DENND1A: variants seen among roughly 807,000 people sequenced by gnomAD.
DENND1A encodes DENN domain containing 1A.
In DENND1A, 51 loss-of-function variants were observed where a neutral mutation model predicts 113.7. The observed-to-expected ratio is 0.45, with a 90% CI of 0.36 to 0.57. The LOEUF (loss-of-function observed/expected upper bound fraction) is 0.57, where lower values mean the gene tolerates loss of function less well. Among genes scored for constraint, DENND1A ranks in the 20% least tolerant of loss-of-function variants. DENND1A has a pLI of 0.00. For missense variants in DENND1A, 1,258 were observed against 1,395.9 expected, an observed-to-expected ratio of 0.90 and a Z score of 1.57; for synonymous variants, 565 against 570.8, an observed-to-expected ratio of 0.99 and a Z score of 0.14.
At chr9:123,555,170 T>C (rs1338209970) in intron 13 of DENND1A, among the ~76,000 whole-genome samples, 1 of 152,218 alleles carries the variant, frequency 6.6e-6, no homozygotes, top group Non-Finnish European at 1.5e-5. Flanking sequence ...TCCTCCTTCA[T>C]GGTCCCTGTT....
At chr9:123,605,659 G>A (rs539978758) in intron 11 of DENND1A, among the ~76,000 whole-genome samples, 30 of 152,306 alleles carry the variant, frequency 2.0e-4, no homozygotes, top group South Asian at 4.1e-4. Context: ...GGAGGAAGGC[G>A]GACTCTGTAA....
At chr9:123,796,578 G>A (rs10986107) in intron 2 of DENND1A, among the ~76,000 whole-genome samples, 10,972 of 151,950 alleles carry the variant, frequency 0.072, 583 homozygotes, top group African/African-American at 0.15. Flanking sequence ...AGACTTACTG[G>A]AAAGGTGCTA....
At chr9:123,710,273 CT>C (rs1481200206) in intron 5 of DENND1A, among the ~76,000 whole-genome samples, 6 of 152,146 alleles carry the variant, frequency 3.9e-5, no homozygotes, top group African/African-American at 1.4e-4. Context: ...GATATAAGGG[CT>C]TTTGCATGTC....
chr9:123,757,844 G>T (rs764070122), intron 4 of DENND1A, 22 bp from the exon 5 acceptor site: 3 of 1,610,236 alleles, frequency 1.9e-6, no homozygotes, highest in Non-Finnish European at 2.5e-6. Context: ...GCAGAACAAA[G>T]GGGAAAATGA....
At chr9:123,801,132 T>C (rs1415842139) in intron 2 of DENND1A, among the ~76,000 whole-genome samples, 4 of 152,254 alleles carry the variant, frequency 2.6e-5, no homozygotes, top group Non-Finnish European at 5.9e-5. Context: ...GCAGTGCCTA[T>C]GTCCTTTGAG....
intron 13 of DENND1A, among the ~76,000 whole-genome samples, chr9:123,486,315 G>C (rs1174465854): frequency 6.6e-6 from 1 of 152,164 alleles, no homozygotes; most frequent in Non-Finnish European, 1.5e-5. Context: ...TACAGGAACA[G>C]AGACTCGCCC....
chr9:123,586,208 G>A (rs982132497), intron 11 of DENND1A, among the ~76,000 whole-genome samples: 4 of 152,102 alleles, frequency 2.6e-5, no homozygotes, highest in Non-Finnish European at 5.9e-5. Context: ...ACAGAAGGGA[G>A]CAGGAGATGA....
intron 13 of DENND1A, among the ~76,000 whole-genome samples, chr9:123,538,749 AGTGTGTGTGTGTGT>A (rs145062895): frequency 1.3e-4 from 12 of 91,024 alleles, no homozygotes; most frequent in South Asian, 7.2e-4. Context: ...TATGTGTGTG[AGTGTGTGTGTGTGT>A]GTGTGTGTGT....
chr9:123,789,718 G>T (rs1277798937), intron 3 of DENND1A, among the ~76,000 whole-genome samples: 1 of 152,024 alleles, frequency 6.6e-6, no homozygotes, highest in East Asian at 1.9e-4. Flanking sequence ...TGCTAGCTTT[G>T]TGGCTCAAGG....
intron 2 of DENND1A, among the ~76,000 whole-genome samples, chr9:123,816,480 C>T (rs1837508911): frequency 6.6e-6 from 1 of 152,144 alleles, no homozygotes; most frequent in Admixed American, 6.5e-5. Flanking sequence ...AGGTTAAATG[C>T]TGCGGATGAA....
chr9:123,609,397 C>G, intron 11 of DENND1A, 39 bp downstream of exon 11: 1 of 1,609,632 alleles, frequency 6.2e-7, no homozygotes, highest in South Asian at 1.1e-5. Context: ...AAACAAAGCC[C>G]CAGGTAGAGC....
chr9:123,399,033 T>C (rs1301747928), intron 21 of DENND1A, among the ~76,000 whole-genome samples: 1 of 151,606 alleles, frequency 6.6e-6, no homozygotes, highest in Non-Finnish European at 1.5e-5. Context: ...TGACCTCAAG[T>C]GACCCGCCCG....
chr9:123,539,904 C>A lies in DENND1A; in HGVS notation c.993+17666G>T, dbSNP rs940926988. 3.4e-5 allele frequency among the ~76,000 whole-genome samples: 5 copies of A among 148,104 alleles called. No homozygotes were observed. The East Asian group carries it at 5.9e-4, about 17-fold the overall frequency. On this transcript the variant is annotated intron_variant, in intron 13 of 23. Coordinates refer to ENST00000394215, the MANE Select transcript of DENND1A (RefSeq NM_001352964.2). The stretch of plus-strand genomic sequence containing the variant: ...TCTCAAAAAAAAAAAAAAAAAAATT[C>A]ATTACATCATCCACTTGATTAAGGC...
At chr9:123,563,528 T>C (rs879757058) in intron 12 of DENND1A, among the ~76,000 whole-genome samples, 5 of 152,218 alleles carry the variant, frequency 3.3e-5, no homozygotes, top group Non-Finnish European at 7.3e-5. Flanking sequence ...GAGTAAAATA[T>C]AATGGATATA....
chr9:123,482,389 C>T (rs1434791746), intron 13 of DENND1A, among the ~76,000 whole-genome samples: 1 of 152,234 alleles, frequency 6.6e-6, no homozygotes, highest in Non-Finnish European at 1.5e-5. Context: ...TGAACCACCG[C>T]ACCCGGCCCA....
intron 21 of DENND1A, chr9:123,402,708 C>CT (rs2043587341): frequency 2.1e-6 from 1 of 475,184 alleles, no homozygotes; most frequent in Non-Finnish European, 4.3e-6. Flanking sequence ...GTGCTACCTT[C>CT]TGCAGATGGC....
At chr9:123,702,284 C>T (rs148111382) in intron 5 of DENND1A, among the ~76,000 whole-genome samples, 614 of 151,546 alleles carry the variant, frequency 4.1e-3, no homozygotes, top group African/African-American at 0.014. Context: ...AAAAAAGGAA[C>T]GAAGAAAGCT....
chr9:123,875,622 T>A (rs1847338320), intron 2 of DENND1A, among the ~76,000 whole-genome samples: 2 of 152,130 alleles, frequency 1.3e-5, no homozygotes, highest in Non-Finnish European at 2.9e-5. Context: ...CTGACAGCTA[T>A]CCTTAGGCCA....
chr9:123,755,003 G>A (rs2131366055), intron 5 of DENND1A, among the ~76,000 whole-genome samples: 1 of 152,154 alleles, frequency 6.6e-6, no homozygotes, highest in African/African-American at 2.4e-5. Flanking sequence ...ACATATTATA[G>A]AGAAAAACCT....
Sources: allele counts gnomAD v4.1 joint callset (sites outside exome capture counted in the v4.1 genomes callset), GRCh38; gene constraint gnomAD v4.1.1; transcripts MANE v1.5; gene names NCBI Gene and HGNC (gene_info 2026-07-23, HGNC 2026-07-21).